Variants in KDM7A observed in about 807,000 individuals in gnomAD.
KDM7A encodes lysine demethylase 7A.
Under a neutral mutation model 114.8 loss-of-function variants are expected in KDM7A, and 28 were observed. The observed-to-expected ratio is 0.24, with a 90% CI of 0.18 to 0.33. The LOEUF (loss-of-function observed/expected upper bound fraction) is 0.33, where lower values mean the gene tolerates loss of function less well. Among genes scored for constraint, KDM7A ranks in the 10% least tolerant of loss-of-function variants. The pLI is 1.00. For missense variants in KDM7A, 942 were observed against 1,142.5 expected (o/e 0.82, Z 2.53); for synonymous variants, 423 against 397.8 (o/e 1.06, Z -0.75).
chr7:140,152,236 C>T (rs961398774), intron 1 of KDM7A, among the ~76,000 whole-genome samples: 4 of 152,052 alleles, frequency 2.6e-5, no homozygotes, highest in Non-Finnish European at 4.4e-5. Flanking sequence ...TGATGAAAGA[C>T]GAGTTACAGT....
chr7:140,099,176 C>T (rs1283197530), intron 13 of KDM7A, 143 bp from the exon 14 acceptor site: 1 of 698,720 alleles, frequency 1.4e-6, no homozygotes. Flanking sequence ...ATAGTATGCG[C>T]TAGGGATCTG....
chr7:140,165,973 CA>C (rs1239675532), intron 1 of KDM7A, among the ~76,000 whole-genome samples: 1 of 152,176 alleles, frequency 6.6e-6, no homozygotes, highest in African/African-American at 2.4e-5. Flanking sequence ...AAGTTACAGC[CA>C]CACTGTATAC....
intron 1 of KDM7A, among the ~76,000 whole-genome samples, chr7:140,144,839 G>A (rs1209589016): frequency 2.0e-5 from 3 of 152,076 alleles, no homozygotes; most frequent in African/African-American, 7.2e-5. Context: ...TGCTGTCCTA[G>A]GGATGGTCAG....
intron 1 of KDM7A, among the ~76,000 whole-genome samples, chr7:140,165,328 T>C (rs1794561929): frequency 6.6e-6 from 1 of 152,256 alleles, no homozygotes; most frequent in South Asian, 2.1e-4. Flanking sequence ...AAAATTTAGC[T>C]ACAAAGCATC....
chr7:140,140,648 C>A (rs1038812939), intron 1 of KDM7A, among the ~76,000 whole-genome samples: 2 of 151,906 alleles, frequency 1.3e-5, no homozygotes, highest in African/African-American at 4.8e-5. Flanking sequence ...ATGGCCGGTG[C>A]CTGTAATCCC....
At chr7:140,094,224 G>A (rs1818067256) in intron 17 of KDM7A, 86 bp from the exon 18 acceptor site, 2 of 871,588 alleles carry the variant, frequency 2.3e-6, no homozygotes, top group South Asian at 1.3e-5. Flanking sequence ...ATGAAAGCAG[G>A]TTGGGCGTGA....
chr7:140,155,464 T>C (rs1040428335), intron 1 of KDM7A, among the ~76,000 whole-genome samples: 3 of 152,218 alleles, frequency 2.0e-5, no homozygotes, highest in African/African-American at 7.2e-5. Context: ...TAAGTGATAT[T>C]TGCCAAATCC....
At chr7:140,138,252 G>A (rs958018907) in intron 2 of KDM7A, among the ~76,000 whole-genome samples, 3 of 151,878 alleles carry the variant, frequency 2.0e-5, no homozygotes, top group African/African-American at 7.3e-5. Flanking sequence ...AGGCTGCAGT[G>A]AGCTATGATA....
At chr7:140,092,125 A>T (rs2116732923) in intron 18 of KDM7A, 48 bp from the exon 19 acceptor site, 2 of 1,570,234 alleles carry the variant, frequency 1.3e-6, no homozygotes, top group Non-Finnish European at 1.7e-6. Context: ...GGTTTAAATG[A>T]GGTATTTAAG....
At chr7:140,130,824 A>G (rs1818772731) in intron 3 of KDM7A, among the ~76,000 whole-genome samples, 1 of 142,078 alleles carries the variant, frequency 7.0e-6, no homozygotes, top group Non-Finnish European at 1.5e-5. Flanking sequence ...GATTTAAATG[A>G]CCCGTTACAA....
At chr7:140,137,757 T>C (rs944531895) in intron 2 of KDM7A, among the ~76,000 whole-genome samples, 20 of 152,226 alleles carry the variant, frequency 1.3e-4, no homozygotes, top group Non-Finnish European at 2.6e-4. Context: ...ACAAAGATAT[T>C]AGAAAAATTA....
At chr7:140,140,197 A>C (rs540572568) in intron 1 of KDM7A, among the ~76,000 whole-genome samples, 32 of 152,360 alleles carry the variant, frequency 2.1e-4, no homozygotes, top group Middle Eastern at 6.8e-3. Context: ...ATTTATGAGT[A>C]AAGATGCAAA....
At chr7:140,112,876 G>C (rs906677448) in intron 10 of KDM7A, among the ~76,000 whole-genome samples, 1 of 152,228 alleles carries the variant, frequency 6.6e-6, no homozygotes, top group Non-Finnish European at 1.5e-5. Flanking sequence ...TCTGGAGGTG[G>C]TGGGATTCAA....
Position 140,156,422 on chromosome 7 carries a change from T to C in KDM7A, c.195-17232A>G, listed in dbSNP as rs148272287. On this transcript the variant is annotated intron_variant, in intron 1 of 19. Coordinates refer to ENST00000397560, the MANE Select transcript of KDM7A (RefSeq NM_030647.2). ...TATCTCTTGCTTATTATCCTTCTTT[T>C]CATTAACAATTTACCTACTGGTTTA... 3.2e-3 allele frequency among the ~76,000 whole-genome samples: 491 copies of C among 152,344 alleles called. 1 individual carries two copies. The highest frequency in any genetic ancestry group is 0.017 in the Middle Eastern group (5 of 294).
rs980709907 is a variant in KDM7A, at chr7:140,088,508, A to T, written c.*2586T>A. On this transcript the variant is annotated 3_prime_UTR_variant, in exon 20 of 20. Transcript: ENST00000397560. ...CTGTATGGTATAAATGAGGTTCTCT[A>T]TTACTGTTAAGCCCAGGTACTCGCA... 14 of 398,292 alleles carry T rather than the reference A, an allele frequency of 3.5e-5. No homozygotes were observed. Among genetic ancestry groups the T allele is most frequent in the African/African-American group, 2.3e-4 (11 of 48,608 alleles). The allele number at this position is 398,292 out of a possible 1,614,324, so 24.7% of individuals were successfully genotyped here. A position where few individuals can be genotyped will look rare whatever the true frequency, so the allele number is the denominator to read the frequency against.
At chr7:140,162,200 T>C (rs780782948) in intron 1 of KDM7A, among the ~76,000 whole-genome samples, 1 of 152,070 alleles carries the variant, frequency 6.6e-6, no homozygotes. Context: ...CCGGGCATAG[T>C]GGCACATGCC....
In KDM7A at chr7:140,139,144, G is replaced by A. The variant is rs767257176; in HGVS notation, c.241C>T (p.His81Tyr). 9 of 1,613,434 alleles carry A rather than the reference G, an allele frequency of 5.6e-6. No individual in the cohort carries two copies. The highest frequency in any genetic ancestry group is 7.6e-6 in the Non-Finnish European group (9 of 1,179,552). Residue 81 changes from histidine to tyrosine, a missense_variant, in exon 2 of 20, where the codon CAC becomes TAC. Around this residue, in one of 4 missense-constraint regions of KDM7A, gnomAD observed 318 missense variants for 453.1 expected, o/e 0.70. Transcript: ENST00000397560. Reference sequence around the variant, plus strand: ...TGTAAAACTGCACAGTTGGGACAGTGATACAGGTCAATGTCAACAGCATGA... The same window carrying A: ...TGTAAAACTGCACAGTTGGGACAGTAATACAGGTCAATGTCAACAGCATGA... ...EHHAVDIDLY[H>Y]CPNCAVLHGS... is the part of the protein sequence containing the mutation.
chr7:140,099,196 TTTTG>T (rs1438722738), intron 13 of KDM7A, among the ~76,000 whole-genome samples, 163 bp from the exon 14 acceptor site: 6 of 152,062 alleles, frequency 3.9e-5, no homozygotes, highest in Admixed American at 1.3e-4. Context: ...GAGGTTCGTT[TTTTG>T]TTTTTGTTTT....
rs1324750994 is a variant in KDM7A at position 140,133,575 on chromosome 7, G to C, written c.362C>G (p.Thr121Ser). The change falls in exon 3 of 20, where the codon ACT becomes AGT. Residue 121 changes from threonine to serine, a missense_variant. Physicochemically the swap from Thr to Ser is moderately conservative, Grantham distance 58. Coordinates refer to ENST00000397560, the MANE Select transcript of KDM7A (RefSeq NM_030647.2). ...TCGAGAGCGTAATTCCTTAATGAAA[G>C]TTCTAGTTCCAGCTTGCACTGGTTT... ...GSKPVQAGTR[T>S]FIKELRSRVF... The C allele has an allele frequency of 6.2e-7, 1 of 1,609,852 alleles. No individual in the cohort carries two copies. The highest frequency in any genetic ancestry group is 8.5e-7 in the Non-Finnish European group (1 of 1,176,568).
Sources: allele counts gnomAD v4.1 joint callset (sites outside exome capture counted in the v4.1 genomes callset), GRCh38; gene constraint gnomAD v4.1.1; regional missense constraint gnomAD v4.1.1; transcripts MANE v1.5; gene names NCBI Gene and HGNC (gene_info 2026-07-23, HGNC 2026-07-21).